The following KIAA0825 variants were observed in gnomAD, a reference collection of about 807,000 sequenced individuals.
KIAA0825 encodes KIAA0825.
A neutral mutation model predicts 147.6 loss-of-function variants in KIAA0825; 119 were observed. The ratio of observed to expected loss-of-function variants is 0.81; its 90% confidence interval spans 0.69 to 0.94. The LOEUF is 0.94. KIAA0825 is among the 40% of genes least tolerant of loss of function. KIAA0825 has a pLI of 0.00. For missense variants in KIAA0825, 1,381 were observed against 1,472.7 expected, an observed-to-expected ratio of 0.94 and a Z score of 1.02; for synonymous variants, 470 against 518.1, an observed-to-expected ratio of 0.91 and a Z score of 1.26.
intron 1 of KIAA0825, among the ~76,000 whole-genome samples, chr5:94,610,656 C>T (rs761043865): frequency 3.5e-5 from 5 of 142,630 alleles, no homozygotes; most frequent in East Asian, 2.1e-4. Context: ...CCCAGCTACT[C>T]GGGAGGCTGA....
chr5:94,205,736 T>G (rs1000105207), intron 20 of KIAA0825, among the ~76,000 whole-genome samples: 8 of 152,198 alleles, frequency 5.3e-5, no homozygotes, highest in African/African-American at 1.9e-4. Context: ...CCTGGAAATG[T>G]TGCCATAGAC....
chr5:94,218,538 C>T (rs921070036), intron 20 of KIAA0825, among the ~76,000 whole-genome samples: 2 of 152,188 alleles, frequency 1.3e-5, no homozygotes, highest in South Asian at 4.1e-4. Context: ...TGCTTTGGAA[C>T]AGTGTTTGTC....
intron 2 of KIAA0825, among the ~76,000 whole-genome samples, chr5:94,563,230 C>T (rs963439351): frequency 2.6e-5 from 4 of 151,128 alleles, no homozygotes; most frequent in African/African-American, 4.9e-5. Context: ...TGGTGGTGGG[C>T]GCCTGTAGTC....
intron 5 of KIAA0825, among the ~76,000 whole-genome samples, chr5:94,499,829 C>G (rs1355667789): frequency 6.6e-6 from 1 of 152,032 alleles, no homozygotes; most frequent in East Asian, 1.9e-4. Flanking sequence ...AATTCTTGTC[C>G]TTAAGGTGCT....
At chr5:94,461,726 C>T (rs1759863726) in intron 12 of KIAA0825, among the ~76,000 whole-genome samples, 1 of 151,768 alleles carries the variant, frequency 6.6e-6, no homozygotes, top group African/African-American at 2.4e-5. Flanking sequence ...TAGAAATAGA[C>T]ATATGTGAAA....
At chr5:94,500,814 G>A (rs1764985286) in intron 5 of KIAA0825, among the ~76,000 whole-genome samples, 1 of 152,118 alleles carries the variant, frequency 6.6e-6, no homozygotes, top group Non-Finnish European at 1.5e-5. Flanking sequence ...TTTCACTGCT[G>A]TTGCCCAGGC....
chr5:94,553,014 AG>A (rs893936900), intron 2 of KIAA0825, among the ~76,000 whole-genome samples: 2 of 152,252 alleles, frequency 1.3e-5, no homozygotes, highest in African/African-American at 4.8e-5. Flanking sequence ...AAGAGAAGTT[AG>A]GAAATGTTCC....
chr5:94,574,795 G>A (rs1701080150), intron 2 of KIAA0825, among the ~76,000 whole-genome samples: 1 of 152,036 alleles, frequency 6.6e-6, no homozygotes, highest in Admixed American at 6.6e-5. Context: ...GCCAGTATAA[G>A]CTCACTGCAG....
chr5:94,490,816 T>A, intron 5 of KIAA0825, among the ~76,000 whole-genome samples: 1 of 152,176 alleles, frequency 6.6e-6, no homozygotes, highest in Non-Finnish European at 1.5e-5. Context: ...TATACGTAGT[T>A]CAAGTATTAA....
At chr5:94,586,460 G>T (rs555277704) in intron 1 of KIAA0825, among the ~76,000 whole-genome samples, 1 of 152,202 alleles carries the variant, frequency 6.6e-6, no homozygotes, top group Admixed American at 6.5e-5. Context: ...TAAATTCCTG[G>T]ACACATACAC....
At chr5:94,234,558 G>A (rs770671246) in intron 20 of KIAA0825, among the ~76,000 whole-genome samples, 47 of 152,198 alleles carry the variant, frequency 3.1e-4, no homozygotes, top group Non-Finnish European at 5.3e-4. Flanking sequence ...GGCTTTACAG[G>A]ATGCATGATG....
intron 20 of KIAA0825, among the ~76,000 whole-genome samples, chr5:94,329,254 A>G (rs998935559): frequency 2.6e-5 from 4 of 152,152 alleles, no homozygotes; most frequent in Non-Finnish European, 5.9e-5. Flanking sequence ...AAGCACTGAA[A>G]GCGATCCAAC....
intron 6 of KIAA0825, 135 bp from the exon 7 acceptor site, chr5:94,477,340 C>A: frequency 1.9e-6 from 1 of 515,358 alleles, no homozygotes; most frequent in Non-Finnish European, 3.5e-6. Context: ...ATATACACAT[C>A]CACAAATAAC....
At chr5:94,512,124 G>A (rs1289103131) in intron 5 of KIAA0825, among the ~76,000 whole-genome samples, 1 of 152,076 alleles carries the variant, frequency 6.6e-6, no homozygotes, top group Non-Finnish European at 1.5e-5. Context: ...CTTCAAAGAT[G>A]ATTTTCACAA....
intron 20 of KIAA0825, among the ~76,000 whole-genome samples, chr5:94,368,932 T>C (rs1400436614): frequency 6.6e-6 from 1 of 151,962 alleles, no homozygotes; most frequent in Non-Finnish European, 1.5e-5. Context: ...CTTTGGGAGG[T>C]TGAGCCAAGC....
intron 20 of KIAA0825, among the ~76,000 whole-genome samples, chr5:94,307,753 G>A (rs2150192525): frequency 6.6e-6 from 1 of 151,538 alleles, no homozygotes; most frequent in East Asian, 1.9e-4. Context: ...TCTTCCTCTG[G>A]ATCCCCACAG....
chr5:94,287,599 C>T (rs1259592004), intron 20 of KIAA0825, among the ~76,000 whole-genome samples: 1 of 152,004 alleles, frequency 6.6e-6, no homozygotes, highest in Non-Finnish European at 1.5e-5. Flanking sequence ...TTTCAAGGGC[C>T]TAAGAAATGA....
intron 20 of KIAA0825, among the ~76,000 whole-genome samples, chr5:94,194,268 T>C (rs1278537009): frequency 6.6e-6 from 1 of 152,152 alleles, no homozygotes; most frequent in African/African-American, 2.4e-5. Context: ...TTTCTTCTCA[T>C]GTCCTGACCA....
chr5:94,162,619 A>T (rs545708899), intron 20 of KIAA0825, among the ~76,000 whole-genome samples: 1 of 152,350 alleles, frequency 6.6e-6, no homozygotes, highest in South Asian at 2.1e-4. Flanking sequence ...TGATCACAGA[A>T]TAATAACATT....
Sources: allele counts gnomAD v4.1 joint callset (sites outside exome capture counted in the v4.1 genomes callset), GRCh38; gene constraint gnomAD v4.1.1; transcripts MANE v1.5; gene names NCBI Gene and HGNC (gene_info 2026-07-23, HGNC 2026-07-21).